Variants in PLPPR5 observed in about 807,000 individuals in gnomAD.
PLPPR5 encodes phospholipid phosphatase related 5.
PLPPR5 carries 16 observed loss-of-function variants against 33.9 expected under a neutral mutation model. That is an observed-to-expected ratio of 0.47 (90% CI 0.32 to 0.72). The LOEUF (loss-of-function observed/expected upper bound fraction) is 0.72. Among genes scored for constraint, PLPPR5 ranks in the 30% least tolerant of loss-of-function variants. The probability of loss-of-function intolerance (pLI) is 0.03; values close to 1 mark genes in which losing one functional copy is unlikely to be tolerated. For synonymous variants in PLPPR5, 163 were observed against 150.3 expected (o/e 1.08, Z -0.62); for missense variants, 301 against 406.7 (o/e 0.74, Z 2.23).
chr1:98,987,834 T>G (rs1652311787), intron 1 of PLPPR5, among the ~76,000 whole-genome samples: 1 of 152,044 alleles, frequency 6.6e-6, no homozygotes, highest in Admixed American at 6.6e-5. Flanking sequence ...CTGATTCTTT[T>G]GATTTGTTTT....
chr1:98,936,408 A>C (rs1397445508), intron 3 of PLPPR5, among the ~76,000 whole-genome samples: 1 of 152,190 alleles, frequency 6.6e-6, no homozygotes, highest in Non-Finnish European at 1.5e-5. Flanking sequence ...AGCTAGAGAC[A>C]AGGAGTCCTC....
chr1:98,971,912 C>G lies in PLPPR5; in HGVS notation c.238-15171G>C, dbSNP rs1033617560. Reference sequence around the variant, plus strand: ...TGACACAGAACAGGCAAGGCTCCCCCCATGGTCTCACCACTGGGACCATCT... The same window carrying G: ...TGACACAGAACAGGCAAGGCTCCCCGCATGGTCTCACCACTGGGACCATCT... On this transcript the variant is annotated intron_variant, in intron 1 of 5. Coordinates refer to ENST00000263177, the MANE Select transcript of PLPPR5 (RefSeq NM_001037317.2). 2.6e-5 allele frequency among the ~76,000 whole-genome samples: 4 copies of G among 152,154 alleles called. No homozygotes were observed. The East Asian group carries it at 5.8e-4, about 22-fold the overall frequency.
intron 1 of PLPPR5, among the ~76,000 whole-genome samples, chr1:98,986,587 G>A (rs1652272503): frequency 6.6e-6 from 1 of 151,822 alleles, no homozygotes. Flanking sequence ...AAGTAGAGTG[G>A]TTATTCCAAA....
chr1:98,960,424 G>T (rs540879573), intron 1 of PLPPR5, among the ~76,000 whole-genome samples: 18 of 152,130 alleles, frequency 1.2e-4, no homozygotes, highest in Non-Finnish European at 2.5e-4. Context: ...GGCTGGTCTC[G>T]AATTCCTCAC....
intron 1 of PLPPR5, among the ~76,000 whole-genome samples, chr1:98,961,361 G>A (rs1651244142): frequency 6.6e-6 from 1 of 152,188 alleles, no homozygotes; most frequent in South Asian, 2.1e-4. Flanking sequence ...GAGAGGAGGA[G>A]GTAACCTTTT....
chr1:98,912,154 T>G (rs2101149412), intron 5 of PLPPR5, among the ~76,000 whole-genome samples: 1 of 152,350 alleles, frequency 6.6e-6, no homozygotes, highest in South Asian at 2.1e-4. Context: ...ATGTATTTTC[T>G]TACATAGGTA....
At chr1:98,938,265 G>A (rs1175225296) in intron 3 of PLPPR5, among the ~76,000 whole-genome samples, 1 of 151,888 alleles carries the variant, frequency 6.6e-6, no homozygotes. Flanking sequence ...TTTTATTCAT[G>A]TCTAAAACTT....
chr1:98,999,546 G>C (rs572622542), intron 1 of PLPPR5, among the ~76,000 whole-genome samples: 1 of 152,198 alleles, frequency 6.6e-6, no homozygotes, highest in Admixed American at 6.5e-5. Flanking sequence ...TAGTAAGTGG[G>C]AGAAACCAGG....
chr1:98,942,385 A>G (rs1245515273), intron 3 of PLPPR5, among the ~76,000 whole-genome samples: 3 of 152,210 alleles, frequency 2.0e-5, no homozygotes, highest in Non-Finnish European at 4.4e-5. Flanking sequence ...GGCACTTAAA[A>G]TGTAAATATA....
intron 1 of PLPPR5, among the ~76,000 whole-genome samples, chr1:98,971,371 G>A (rs1651652329): frequency 6.6e-6 from 1 of 151,872 alleles, no homozygotes; most frequent in South Asian, 2.1e-4. Context: ...GAAGTGGTAT[G>A]TAAGCTTTCC....
At chr1:99,003,478 T>C (rs1212392456) in intron 1 of PLPPR5, among the ~76,000 whole-genome samples, 3 of 151,994 alleles carry the variant, frequency 2.0e-5, no homozygotes, top group Admixed American at 6.6e-5. Context: ...CTCCAATACT[T>C]TGTCAATATT....
chr1:98,976,768 CATAT>C (rs1296999845), intron 1 of PLPPR5, among the ~76,000 whole-genome samples: 1 of 151,922 alleles, frequency 6.6e-6, no homozygotes, highest in African/African-American at 2.4e-5. Context: ...GAATATTTTG[CATAT>C]ATAGAGTTAG....
chr1:98,968,684 C>T (rs1255799458), intron 1 of PLPPR5, among the ~76,000 whole-genome samples: 1 of 151,676 alleles, frequency 6.6e-6, no homozygotes. Context: ...ACTTCATGTA[C>T]CCCATAAATA....
chr1:98,995,539 T>C (rs887344631), intron 1 of PLPPR5, among the ~76,000 whole-genome samples: 4 of 152,080 alleles, frequency 2.6e-5, no homozygotes, highest in Non-Finnish European at 5.9e-5. Flanking sequence ...CTTGAATGAG[T>C]AGGGTACAGG....
At chr1:98,906,889 A>C (rs1648920189) in intron 5 of PLPPR5, among the ~76,000 whole-genome samples, 1 of 152,186 alleles carries the variant, frequency 6.6e-6, no homozygotes, top group African/African-American at 2.4e-5. Flanking sequence ...CTTCAGATAC[A>C]ATGATTCATA....
intron 3 of PLPPR5, among the ~76,000 whole-genome samples, chr1:98,939,290 A>ATTCC (rs1650290824): frequency 6.7e-6 from 1 of 150,000 alleles, no homozygotes; most frequent in Admixed American, 6.6e-5. Flanking sequence ...TTTTCCATAT[A>ATTCC]GAGGAAGGGA....
At chr1:98,912,402 C>T (rs972148054) in intron 5 of PLPPR5, among the ~76,000 whole-genome samples, 5 of 152,220 alleles carry the variant, frequency 3.3e-5, no homozygotes, top group East Asian at 1.9e-4. Context: ...AAATCTGCTC[C>T]GTAAGCTCAT....
At chr1:98,939,784 C>T (rs1290263660) in intron 3 of PLPPR5, among the ~76,000 whole-genome samples, 1 of 151,910 alleles carries the variant, frequency 6.6e-6, no homozygotes, top group East Asian at 1.9e-4. Context: ...TTCCTGTTGT[C>T]TGGTCTTGGC....
chr1:98,978,742 A>C (rs1651955089), intron 1 of PLPPR5, among the ~76,000 whole-genome samples: 1 of 152,080 alleles, frequency 6.6e-6, no homozygotes, highest in African/African-American at 2.4e-5. Context: ...CAGAAAAATT[A>C]AGATGTTCAA....
Sources: allele counts gnomAD v4.1 joint callset (sites outside exome capture counted in the v4.1 genomes callset), GRCh38; gene constraint gnomAD v4.1.1; transcripts MANE v1.5; gene names NCBI Gene and HGNC (gene_info 2026-07-23, HGNC 2026-07-21).